SMC1B: variants seen among roughly 807,000 people sequenced by gnomAD.
SMC1B encodes structural maintenance of chromosomes 1B.
SMC1B carries 60 observed loss-of-function variants against 157.9 expected under a neutral mutation model. The ratio of observed to expected loss-of-function variants is 0.38; its 90% confidence interval spans 0.31 to 0.47. The LOEUF is 0.47. Among genes scored for constraint, SMC1B ranks in the 20% least tolerant of loss-of-function variants. The pLI is 0.99. For missense variants in SMC1B, 1,165 were observed against 1,426.2 expected (o/e 0.82, Z 2.95); for synonymous variants, 445 against 483.0 (o/e 0.92, Z 1.03).
chr22:45,358,943 T>C, intron 18 of SMC1B, 148 bp from the exon 19 acceptor site: 1 of 465,458 alleles, frequency 2.1e-6, no homozygotes, highest in Non-Finnish European at 3.8e-6. Context: ...ATAAAAAAGT[T>C]TGAAAGATTT....
At chr22:45,388,369 T>A (rs1186391461) in intron 10 of SMC1B, among the ~76,000 whole-genome samples, 1 of 152,206 alleles carries the variant, frequency 6.6e-6, no homozygotes, top group African/African-American at 2.4e-5. Context: ...GTATCCCCTT[T>A]ATATTTGATA....
intron 19 of SMC1B, among the ~76,000 whole-genome samples, chr22:45,355,630 T>A (rs1221983806): frequency 2.0e-5 from 3 of 152,118 alleles, no homozygotes; most frequent in Non-Finnish European, 4.4e-5. Flanking sequence ...AGACTTCTAA[T>A]AGGGCAAGCA....
At chr22:45,364,608 C>A (rs1289342002) in intron 15 of SMC1B, among the ~76,000 whole-genome samples, 1 of 152,154 alleles carries the variant, frequency 6.6e-6, no homozygotes, top group Non-Finnish European at 1.5e-5. Context: ...AACAGAATCC[C>A]TGCTCTTAAT....
At chr22:45,353,922 A>AAAAC in intron 21 of SMC1B, 56 bp downstream of exon 21, 1 of 1,033,200 alleles carries the variant, frequency 9.7e-7, no homozygotes, top group Non-Finnish European at 1.4e-6. Flanking sequence ...AAAAAAAAAC[A>AAAAC]ACCACCACCG....
chr22:45,400,165 G>GC (rs1276355916), intron 5 of SMC1B, among the ~76,000 whole-genome samples: 1 of 152,168 alleles, frequency 6.6e-6, no homozygotes, highest in Non-Finnish European at 1.5e-5. Flanking sequence ...CACTCCAGTA[G>GC]CAACGAACAC....
chr22:45,387,969 T>G (rs1039464985), intron 10 of SMC1B, among the ~76,000 whole-genome samples: 44 of 150,892 alleles, frequency 2.9e-4, no homozygotes, highest in African/African-American at 1.0e-3. Context: ...GAGGCGGAGG[T>G]TGCAGTGAGC....
chr22:45,367,941 G>C (rs1225365583), intron 15 of SMC1B, among the ~76,000 whole-genome samples: 1 of 152,140 alleles, frequency 6.6e-6, no homozygotes, highest in African/African-American at 2.4e-5. Flanking sequence ...GGTTTTCTCT[G>C]GGAAGCAGTG....
intron 21 of SMC1B, among the ~76,000 whole-genome samples, chr22:45,353,274 A>G (rs934138947): frequency 1.6e-4 from 18 of 109,228 alleles, no homozygotes; most frequent in South Asian, 5.9e-4. Context: ...AAAAAAAAAA[A>G]AAAGAAAGAA....
At chr22:45,383,395 TA>T in intron 12 of SMC1B, 71 bp downstream of exon 12, 36 of 1,200,870 alleles carry the variant, frequency 3.0e-5, no homozygotes, top group Non-Finnish European at 4.1e-5. Flanking sequence ...ACTGTTATTA[TA>T]AAAAACCCAC....
At chr22:45,367,212 TC>T (rs1389291723) in intron 15 of SMC1B, among the ~76,000 whole-genome samples, 8 of 152,332 alleles carry the variant, frequency 5.3e-5, no homozygotes, top group African/African-American at 1.9e-4. Context: ...TAAAGGATTA[TC>T]TCTGTCTGGC....
At chr22:45,354,860 A>G (rs926846553) in intron 20 of SMC1B, 99 bp downstream of exon 20, 2 of 1,127,832 alleles carry the variant, frequency 1.8e-6, no homozygotes, top group Non-Finnish European at 1.3e-6. Flanking sequence ...GAAAAAATCT[A>G]TAACAAAAAG....
chr22:45,367,684 A>G (rs1170074904), intron 15 of SMC1B, among the ~76,000 whole-genome samples: 2 of 152,230 alleles, frequency 1.3e-5, no homozygotes, highest in African/African-American at 2.4e-5. Flanking sequence ...AGGGAACCCA[A>G]GATGGTGAGG....
intron 10 of SMC1B, among the ~76,000 whole-genome samples, chr22:45,388,986 CAAAAAAAA>C (rs371475132): frequency 7.3e-5 from 4 of 54,474 alleles, no homozygotes; most frequent in African/African-American, 2.5e-4. Context: ...GACTCTGCCT[CAAAAAAAA>C]AAAAAAAAAA....
At chr22:45,358,606 C>A (rs2086691280) in intron 19 of SMC1B, 91 bp downstream of exon 19, 1 of 776,776 alleles carries the variant, frequency 1.3e-6, no homozygotes, top group Non-Finnish European at 2.0e-6. Context: ...TAAAAAAAAA[C>A]AAACTTAATT....
Position 45,346,429 on chromosome 22 carries a change from T to G in SMC1B, c.3496-860A>C, listed in dbSNP as rs575227092. On this transcript the variant is annotated intron_variant, in intron 23 of 24. Transcript: ENST00000357450. ...CTTGGTGAACAAACCACTCAGAACT[T>G]GGACGGTGATAAACCCCAAGAAGAG... 4.6e-5 allele frequency among the ~76,000 whole-genome samples: 7 copies of G among 152,222 alleles called. 1 individual carries two copies. The highest frequency in any genetic ancestry group is 1.7e-4 in the African/African-American group (7 of 41,538).
chr22:45,396,576 T>C, intron 6 of SMC1B, 90 bp from the exon 7 acceptor site: 1 of 1,101,522 alleles, frequency 9.1e-7, no homozygotes, highest in Non-Finnish European at 1.3e-6. Context: ...AGAAGATAAT[T>C]AATCTTCCCA....
intron 15 of SMC1B, among the ~76,000 whole-genome samples, chr22:45,367,687 T>C (rs1304780073): frequency 6.6e-6 from 1 of 152,118 alleles, no homozygotes; most frequent in Admixed American, 6.5e-5. Context: ...GAACCCAAGA[T>C]GGTGAGGAAG....
intron 19 of SMC1B, among the ~76,000 whole-genome samples, chr22:45,355,915 C>G (rs556441916): frequency 6.6e-6 from 1 of 152,126 alleles, no homozygotes; most frequent in African/African-American, 2.4e-5. Context: ...ACTAAAAATA[C>G]AAAAATTAGC....
In SMC1B at chr22:45,399,266, C is replaced by T. The variant is rs765095435; in HGVS notation, c.942G>A (p.Val314=). 9.9e-6 allele frequency: 16 copies of T among 1,613,970 alleles called. No individual in the cohort carries two copies. In the Admixed American group the frequency reaches 2.7e-4, roughly 27 times the overall value. ...NTSHHLKKLD[V]AKKSIKDSEK... is the part of the protein sequence containing the mutation. ...CGCTGTCCTTTATTGATTTCTTAGC[C>T]ACATCTAATTTCTTAAGGTGGTGAG... Residue 314 remains valine (V), a synonymous_variant, in exon 6 of 25, where the codon GTG becomes GTA. Transcript: ENST00000357450.
Sources: allele counts gnomAD v4.1 joint callset (sites outside exome capture counted in the v4.1 genomes callset), GRCh38; gene constraint gnomAD v4.1.1; transcripts MANE v1.5; gene names NCBI Gene and HGNC (gene_info 2026-07-23, HGNC 2026-07-21).